PRKN: variants seen among roughly 807,000 people sequenced by gnomAD.
The protein encoded by PRKN is E3 ubiquitin-protein ligase parkin.
A neutral mutation model predicts 59.5 loss-of-function variants in PRKN; 56 were observed. That is an observed-to-expected ratio of 0.94 (90% CI 0.76 to 1.18). The LOEUF is 1.18. PRKN is among the 50% of genes most tolerant of loss of function. The pLI is 0.00. For missense variants in PRKN, 657 were observed against 596.4 expected, an observed-to-expected ratio of 1.10 and a Z score of -1.06; for synonymous variants, 250 against 222.1, an observed-to-expected ratio of 1.13 and a Z score of -1.12.
intron 4 of PRKN, among the ~76,000 whole-genome samples, chr6:162,148,493 C>A (rs1782123153): frequency 6.6e-6 from 1 of 152,040 alleles, no homozygotes; most frequent in Non-Finnish European, 1.5e-5. Context: ...TAACTTGTAG[C>A]CTAATTCACA....
At chr6:162,208,844 T>C (rs1785069998) in intron 3 of PRKN, among the ~76,000 whole-genome samples, 1 of 152,160 alleles carries the variant, frequency 6.6e-6, no homozygotes, top group South Asian at 2.1e-4. Flanking sequence ...GCCTGGGGTA[T>C]GTCCATCTTG....
intron 6 of PRKN, among the ~76,000 whole-genome samples, chr6:161,929,829 A>C (rs1038827051): frequency 6.6e-6 from 1 of 152,124 alleles, no homozygotes; most frequent in Middle Eastern, 3.2e-3. Flanking sequence ...CAATTTTTTT[A>C]AAAGGCTCAA....
At chr6:162,479,740 C>T (rs1305641063) in intron 1 of PRKN, among the ~76,000 whole-genome samples, 1 of 144,438 alleles carries the variant, frequency 6.9e-6, no homozygotes, top group African/African-American at 2.5e-5. Flanking sequence ...CTGCCTGAGG[C>T]TGTTTTACAG....
At chr6:162,601,465 T>C (rs1781708472) in intron 1 of PRKN, among the ~76,000 whole-genome samples, 1 of 152,194 alleles carries the variant, frequency 6.6e-6, no homozygotes, top group Admixed American at 6.5e-5. Context: ...TGTGTATAAT[T>C]AGTTCGTTCC....
intron 3 of PRKN, among the ~76,000 whole-genome samples, chr6:162,206,418 T>TCAAAG (rs1350309197): frequency 2.4e-4 from 36 of 152,212 alleles, no homozygotes; most frequent in Non-Finnish European, 5.0e-4. Flanking sequence ...GCTGCTGGCA[T>TCAAAG]GAGGCGTCCC....
At chr6:161,921,319 C>T (rs1160864482) in intron 6 of PRKN, among the ~76,000 whole-genome samples, 1 of 152,100 alleles carries the variant, frequency 6.6e-6, no homozygotes, top group African/African-American at 2.4e-5. Flanking sequence ...TATAACAATG[C>T]CTTCTTCTGG....
intron 7 of PRKN, among the ~76,000 whole-genome samples, chr6:161,779,460 T>TTTTTTTTA (rs1244044201): frequency 7.6e-6 from 1 of 131,782 alleles, no homozygotes; most frequent in African/African-American, 2.9e-5. Flanking sequence ...TTTTTTTTTT[T>TTTTTTTTA]TTGAGATGGA....
chr6:162,642,004 C>G (rs1422961029), intron 1 of PRKN, among the ~76,000 whole-genome samples: 1 of 152,202 alleles, frequency 6.6e-6, no homozygotes, highest in Non-Finnish European at 1.5e-5. Context: ...TACACTAATA[C>G]TTTTCTTTGG....
At chr6:161,772,171 T>G (rs538375968) in intron 7 of PRKN, among the ~76,000 whole-genome samples, 24 of 152,256 alleles carry the variant, frequency 1.6e-4, no homozygotes, top group African/African-American at 5.5e-4. Flanking sequence ...ACAGTATTTT[T>G]TTTTGAACCT....
At chr6:162,692,253 A>G (rs1237551407) in intron 1 of PRKN, among the ~76,000 whole-genome samples, 12 of 152,094 alleles carry the variant, frequency 7.9e-5, no homozygotes, top group Admixed American at 3.9e-4. Flanking sequence ...AGACTTGTGC[A>G]GTAAAGGGTT....
intron 6 of PRKN, among the ~76,000 whole-genome samples, chr6:161,858,701 T>C (rs1400572077): frequency 6.6e-6 from 1 of 151,808 alleles, no homozygotes; most frequent in Non-Finnish European, 1.5e-5. Context: ...GAATCCTTCC[T>C]CCTTATTCTA....
intron 2 of PRKN, among the ~76,000 whole-genome samples, chr6:162,433,898 T>C (rs920659627): frequency 7.9e-5 from 12 of 152,184 alleles, no homozygotes; most frequent in African/African-American, 2.4e-4. Context: ...CAAACATCAG[T>C]GGGTTCTCGC....
chr6:161,933,278 CAAAACA>C (rs1300411910), intron 6 of PRKN, among the ~76,000 whole-genome samples: 2 of 151,564 alleles, frequency 1.3e-5, no homozygotes, highest in African/African-American at 2.4e-5. Context: ...GACTCCGTTT[CAAAACA>C]AAAACAAAAA....
intron 1 of PRKN, among the ~76,000 whole-genome samples, chr6:162,708,471 A>AT (rs1187071714): frequency 6.6e-6 from 1 of 152,252 alleles, no homozygotes; most frequent in African/African-American, 2.4e-5. Flanking sequence ...CATTGTCAAT[A>AT]AACTGGAAAT....
At chr6:162,663,875 CT>C (rs965429299) in intron 1 of PRKN, among the ~76,000 whole-genome samples, 7 of 150,824 alleles carry the variant, frequency 4.6e-5, no homozygotes, top group Admixed American at 1.3e-4. Flanking sequence ...CCCCACAATA[CT>C]TTTTTTTTCA....
chr6:162,224,182 A>G (rs1778064598), intron 3 of PRKN, among the ~76,000 whole-genome samples: 1 of 152,170 alleles, frequency 6.6e-6, no homozygotes, highest in South Asian at 2.1e-4. Context: ...GCATATAGAT[A>G]CACTGAGTTT....
chr6:161,425,681 G>C (rs937827039), intron 9 of PRKN, among the ~76,000 whole-genome samples: 4 of 152,102 alleles, frequency 2.6e-5, no homozygotes, highest in Admixed American at 2.6e-4. Flanking sequence ...GTCTTCAGGG[G>C]GAAGTCAAGA....
chr6:161,657,682 TA>T (rs1784399674), intron 7 of PRKN, among the ~76,000 whole-genome samples: 1 of 151,980 alleles, frequency 6.6e-6, no homozygotes, highest in Admixed American at 6.6e-5. Context: ...CACTCGACAT[TA>T]AAAATAAATT....
intron 1 of PRKN, among the ~76,000 whole-genome samples, chr6:162,668,475 A>G (rs1227536397): frequency 6.6e-6 from 1 of 152,100 alleles, no homozygotes; most frequent in Non-Finnish European, 1.5e-5. Flanking sequence ...GGCTATGGCT[A>G]GAAGAGAATG....
Sources: allele counts gnomAD v4.1 joint callset (sites outside exome capture counted in the v4.1 genomes callset), GRCh38; gene constraint gnomAD v4.1.1; transcripts MANE v1.5; gene names NCBI Gene and HGNC (gene_info 2026-07-23, HGNC 2026-07-21).